Variants in SH3RF3 observed in about 807,000 individuals in gnomAD.
SH3RF3 encodes the protein E3 ubiquitin-protein ligase SH3RF3.
In SH3RF3, 29 loss-of-function variants were observed where a neutral mutation model predicts 66.3. That is an observed-to-expected ratio of 0.44 (90% CI 0.33 to 0.60). SH3RF3 has a LOEUF of 0.60. SH3RF3 is among the 20% of genes least tolerant of loss of function. The pLI is 0.04. For missense variants in SH3RF3, 1,194 were observed against 1,190.9 expected (o/e 1.00, Z -0.04); for synonymous variants, 583 against 532.0 (o/e 1.10, Z -1.32).
At chr2:109,148,057 G>T (rs1301536207) in intron 1 of SH3RF3, among the ~76,000 whole-genome samples, 1 of 152,152 alleles carries the variant, frequency 6.6e-6, no homozygotes, top group African/African-American at 2.4e-5. Flanking sequence ...GGTGACTGTG[G>T]AATTCGAGTT....
intron 1 of SH3RF3, among the ~76,000 whole-genome samples, chr2:109,212,644 A>G (rs1056344000): frequency 1.3e-5 from 2 of 152,224 alleles, no homozygotes; most frequent in South Asian, 2.1e-4. Context: ...TTTCTTCTCC[A>G]GATAGCAACC....
intron 8 of SH3RF3, among the ~76,000 whole-genome samples, chr2:109,467,335 C>A (rs1480067604): frequency 6.6e-6 from 1 of 152,266 alleles, no homozygotes; most frequent in Non-Finnish European, 1.5e-5. Context: ...ATACACACAG[C>A]AATGGAAGGG....
chr2:109,398,209 G>A (rs547187358), intron 3 of SH3RF3, among the ~76,000 whole-genome samples: 49 of 152,310 alleles, frequency 3.2e-4, no homozygotes, highest in African/African-American at 1.2e-3. Context: ...AGCATGCAGG[G>A]CCAGCCCACG....
intron 5 of SH3RF3, among the ~76,000 whole-genome samples, chr2:109,423,784 C>T (rs941512406): frequency 6.6e-6 from 1 of 152,160 alleles, no homozygotes; most frequent in Non-Finnish European, 1.5e-5. Context: ...ATATTACAGA[C>T]AGATGCGACC....
chr2:109,238,880 T>C (rs1196013097), intron 1 of SH3RF3, among the ~76,000 whole-genome samples: 1 of 152,152 alleles, frequency 6.6e-6, no homozygotes, highest in Non-Finnish European at 1.5e-5. Flanking sequence ...CAAGGGAGGA[T>C]ACAGCTCCAC....
chr2:109,476,062 C>T (rs894119370), intron 8 of SH3RF3, among the ~76,000 whole-genome samples: 2 of 152,246 alleles, frequency 1.3e-5, no homozygotes, highest in African/African-American at 2.4e-5. Context: ...CAGTACTGTA[C>T]GGTATGCTTA....
chr2:109,155,749 C>T (rs1359948006), intron 1 of SH3RF3, among the ~76,000 whole-genome samples: 1 of 152,184 alleles, frequency 6.6e-6, no homozygotes, highest in East Asian at 1.9e-4. Flanking sequence ...AGGGAGTTCC[C>T]ACATCCTGCC....
At chr2:109,264,765 A>G (rs1680449187) in intron 1 of SH3RF3, among the ~76,000 whole-genome samples, 1 of 152,122 alleles carries the variant, frequency 6.6e-6, no homozygotes, top group Non-Finnish European at 1.5e-5. Flanking sequence ...CGGGCATCTC[A>G]TTCTTCTGAG....
At chr2:109,353,381 C>T (rs958714286) in intron 2 of SH3RF3, among the ~76,000 whole-genome samples, 3 of 152,340 alleles carry the variant, frequency 2.0e-5, no homozygotes, top group Admixed American at 6.5e-5. Flanking sequence ...TACCCTCTCC[C>T]GCTGTGGGAG....
At chr2:109,219,880 C>CT (rs1182355762) in intron 1 of SH3RF3, among the ~76,000 whole-genome samples, 2 of 152,152 alleles carry the variant, frequency 1.3e-5, no homozygotes, top group Non-Finnish European at 2.9e-5. Flanking sequence ...AGGGCAATCT[C>CT]TATCAAAACC....
chr2:109,498,112 C>T lies in SH3RF3; in HGVS notation c.2481-3391C>T, dbSNP rs994326746. The stretch of plus-strand genomic sequence containing the variant: ...GGCCAGCAGGAAGCCCTCACAGAGA[C>T]GCTGAGCTGGGAGGAAGGAGGTGCC... On this transcript the variant is annotated intron_variant, in intron 9 of 9. Transcript: ENST00000309415. Among the ~76,000 whole-genome samples the T allele has an allele frequency of 5.9e-5, 9 of 152,308 alleles. No homozygotes were observed. The East Asian group carries it at 7.7e-4, about 13-fold the overall frequency.
chr2:109,250,988 A>T lies in SH3RF3; in HGVS notation c.574-96686A>T, dbSNP rs1443870302. Among the ~76,000 whole-genome samples the T allele has an allele frequency of 2.0e-5, 3 of 151,896 alleles. No homozygotes were observed. In the East Asian group the frequency reaches 5.8e-4, roughly 29 times the overall value. ...CATTCTGTATAGCTTTTTTTTTCAA[A>T]TTATTAATATTTTTATTTATTTATT... On this transcript the variant is annotated intron_variant, in intron 1 of 9. Transcript: ENST00000309415.
chr2:109,415,115 C>T (rs964649415), intron 4 of SH3RF3, among the ~76,000 whole-genome samples: 3 of 147,956 alleles, frequency 2.0e-5, no homozygotes, highest in East Asian at 2.1e-4. Flanking sequence ...GACCAAGGAA[C>T]GTGGGCAGCC....
chr2:109,331,552 A>C (rs570722289), intron 1 of SH3RF3, among the ~76,000 whole-genome samples: 12 of 152,008 alleles, frequency 7.9e-5, no homozygotes, highest in Non-Finnish European at 1.3e-4. Flanking sequence ...CCGCCTTCCA[A>C]TCCCCTTCTG....
At chr2:109,336,063 C>G (rs1462152816) in intron 1 of SH3RF3, among the ~76,000 whole-genome samples, 1 of 152,214 alleles carries the variant, frequency 6.6e-6, no homozygotes, top group Non-Finnish European at 1.5e-5. Context: ...AGGCATTCCT[C>G]TCCCTACATT....
intron 2 of SH3RF3, among the ~76,000 whole-genome samples, chr2:109,356,234 G>A (rs1251608182): frequency 6.6e-6 from 1 of 152,080 alleles, no homozygotes; most frequent in Non-Finnish European, 1.5e-5. Context: ...ACACCAAAAT[G>A]ACTGCCAACT....
intron 1 of SH3RF3, among the ~76,000 whole-genome samples, chr2:109,333,181 C>T (rs929042710): frequency 2.6e-5 from 4 of 152,172 alleles, no homozygotes; most frequent in East Asian, 1.9e-4. Flanking sequence ...GCCTGCACCT[C>T]GGAAAGGCAT....
At chr2:109,351,669 G>A (rs117142035) in intron 2 of SH3RF3, among the ~76,000 whole-genome samples, 1 of 152,240 alleles carries the variant, frequency 6.6e-6, no homozygotes, top group Admixed American at 6.5e-5. Context: ...TTCTCAGAGA[G>A]TGCCCGCTGA....
At chr2:109,332,148 G>T (rs372846957) in intron 1 of SH3RF3, among the ~76,000 whole-genome samples, 1 of 152,160 alleles carries the variant, frequency 6.6e-6, no homozygotes, top group East Asian at 1.9e-4. Flanking sequence ...CCAGAGAGGC[G>T]CTTTACCCAT....
Sources: gnomAD v4.1 joint callset for allele counts (sites outside exome capture counted in the v4.1 genomes callset) on GRCh38, gnomAD v4.1.1 for gene constraint, MANE v1.5 for transcripts, NCBI Gene and HGNC (gene_info 2026-07-23, HGNC 2026-07-21) for gene names.